FANK1: variants seen among roughly 807,000 people sequenced by gnomAD.
FANK1 encodes the protein fibronectin type 3 and ankyrin repeat domains protein 1.
In FANK1, 44 loss-of-function variants were observed where a neutral mutation model predicts 45.3. The ratio of observed to expected loss-of-function variants is 0.97; its 90% CI spans 0.76 to 1.25. The LOEUF (loss-of-function observed/expected upper bound fraction) is 1.25, where lower values mean the gene tolerates loss of function less well. FANK1 is among the 50% of genes most tolerant of loss of function. FANK1 has a pLI of 0.00. For synonymous variants in FANK1, 149 were observed against 152.5 expected, an observed-to-expected ratio of 0.98 and a Z score of 0.17; for missense variants, 391 against 424.4, an observed-to-expected ratio of 0.92 and a Z score of 0.69.
At chr10:125,935,154 C>T (rs543648116) in intron 1 of FANK1, among the ~76,000 whole-genome samples, 39 of 152,322 alleles carry the variant, frequency 2.6e-4, no homozygotes, top group African/African-American at 8.7e-4. Context: ...CATTCCTTCA[C>T]GGAAAGTCAG....
rs1953443249 is a variant in FANK1 at position 126,008,927 on chromosome 10, AGCCACAGTG to A, written c.850-125_850-117del. On this transcript the variant is annotated intron_variant, in intron 8 of 10. Coordinates refer to ENST00000368693, the MANE Select transcript of FANK1 (RefSeq NM_145235.5). ...AGCGCTGTGCCTGCAGGCCATGCAAAGCCACAGTGGTCTTTTGGGGTTGCAGGGGGGCTG... is the reference window on the plus strand; with the variant it reads ...AGCGCTGTGCCTGCAGGCCATGCAAAGTCTTTTGGGGTTGCAGGGGGGCTG... The A allele has an allele frequency of 2.5e-5, 21 of 830,954 alleles. No homozygotes were observed. In the South Asian group the frequency reaches 3.2e-4, roughly 13 times the overall value. The allele number at this position is 830,954 out of a possible 1,614,324, so 51.5% of individuals were successfully genotyped here.
chr10:125,927,993 G>C (rs761825044), intron 1 of FANK1, among the ~76,000 whole-genome samples: 8 of 152,158 alleles, frequency 5.3e-5, no homozygotes, highest in Non-Finnish European at 1.0e-4. Context: ...TTTACACTCT[G>C]CCAGCTGTGG....
At chr10:125,968,103 C>T (rs1009495801) in intron 1 of FANK1, among the ~76,000 whole-genome samples, 1 of 149,830 alleles carries the variant, frequency 6.7e-6, no homozygotes, top group Non-Finnish European at 1.5e-5. Context: ...CTTTCTGAGA[C>T]AGGGTCTTGC....
intron 1 of FANK1, among the ~76,000 whole-genome samples, chr10:125,912,285 A>G (rs925005563): frequency 6.6e-6 from 1 of 152,242 alleles, no homozygotes; most frequent in African/African-American, 2.4e-5. Flanking sequence ...TAACAGAAGC[A>G]CAAACTGTAA....
chr10:125,969,220 C>CT (rs35538865), intron 1 of FANK1, among the ~76,000 whole-genome samples: 19,335 of 151,740 alleles, frequency 0.13, 1,798 homozygotes, highest in Admixed American at 0.31. Context: ...TTTCTTTTTG[C>CT]TTTTTTTAGA....
intron 1 of FANK1, among the ~76,000 whole-genome samples, chr10:125,940,358 G>A (rs1948371982): frequency 6.6e-6 from 1 of 152,140 alleles, no homozygotes; most frequent in Non-Finnish European, 1.5e-5. Context: ...AAGGAACTCT[G>A]TGTCACAAAT....
At chr10:125,990,401 AAAG>A (rs1348580329) in intron 3 of FANK1, among the ~76,000 whole-genome samples, 1 of 152,242 alleles carries the variant, frequency 6.6e-6, no homozygotes, top group Non-Finnish European at 1.5e-5. Flanking sequence ...TTCTTTAAAA[AAAG>A]AAGATCCTTG....
intron 1 of FANK1, among the ~76,000 whole-genome samples, chr10:125,956,626 A>G (rs1478459883): frequency 6.6e-6 from 1 of 152,188 alleles, no homozygotes; most frequent in East Asian, 1.9e-4. Flanking sequence ...GTAATTTTAT[A>G]GTTAGGCAGT....
chr10:125,947,891 G>T (rs1334422482), intron 1 of FANK1, among the ~76,000 whole-genome samples: 1 of 142,140 alleles, frequency 7.0e-6, no homozygotes, highest in African/African-American at 2.6e-5. Flanking sequence ...AAATGTAAAA[G>T]AACAGAAATT....
intron 1 of FANK1, among the ~76,000 whole-genome samples, chr10:125,946,333 C>T (rs1304692165): frequency 6.8e-6 from 1 of 147,370 alleles, no homozygotes; most frequent in East Asian, 2.0e-4. Flanking sequence ...ACATTCAAAC[C>T]AAAGGCAAAG....
At chr10:125,901,894 G>T (rs571620061) in intron 1 of FANK1, among the ~76,000 whole-genome samples, 2 of 152,388 alleles carry the variant, frequency 1.3e-5, no homozygotes, top group South Asian at 4.1e-4. Flanking sequence ...GCCAAGGCGG[G>T]CGGATCACCT....
intron 1 of FANK1, among the ~76,000 whole-genome samples, chr10:125,942,168 A>G (rs753606493): frequency 6.6e-5 from 10 of 152,256 alleles, no homozygotes; most frequent in Non-Finnish European, 1.0e-4. Flanking sequence ...AACTTCCTAG[A>G]TAAAATGCTA....
At chr10:125,961,012 C>T (rs1949890408) in intron 1 of FANK1, among the ~76,000 whole-genome samples, 1 of 152,188 alleles carries the variant, frequency 6.6e-6, no homozygotes, top group Admixed American at 6.5e-5. Flanking sequence ...GTAATGAAGA[C>T]AGCATGGTAC....
intron 1 of FANK1, among the ~76,000 whole-genome samples, chr10:125,953,908 G>T (rs1949410731): frequency 1.3e-5 from 2 of 152,168 alleles, no homozygotes; most frequent in Admixed American, 1.3e-4. Context: ...TGGAAGTAAA[G>T]CTCAGAGTCG....
At chr10:125,991,981 C>T (rs6597730) in intron 3 of FANK1, among the ~76,000 whole-genome samples, 2 of 151,624 alleles carry the variant, frequency 1.3e-5, no homozygotes, top group Non-Finnish European at 2.9e-5. Flanking sequence ...ATCTGGCTCA[C>T]GTGAGCATGG....
At chr10:125,987,716 A>C (rs188693557) in intron 2 of FANK1, among the ~76,000 whole-genome samples, 17 of 152,298 alleles carry the variant, frequency 1.1e-4, no homozygotes, top group Admixed American at 9.1e-4. Flanking sequence ...CAGCTCTGTC[A>C]ACTTTTGGAG....
intron 1 of FANK1, among the ~76,000 whole-genome samples, chr10:125,917,261 C>T (rs1044104736): frequency 8.5e-5 from 13 of 152,224 alleles, no homozygotes; most frequent in Admixed American, 7.9e-4. Context: ...GAAGTCCCCT[C>T]TGCTTTAACT....
At chr10:125,939,827 A>G (rs1324802747) in intron 1 of FANK1, among the ~76,000 whole-genome samples, 1 of 152,104 alleles carries the variant, frequency 6.6e-6, no homozygotes, top group African/African-American at 2.4e-5. Context: ...TATATATTTC[A>G]TTCTAAATGC....
intron 1 of FANK1, among the ~76,000 whole-genome samples, chr10:125,954,786 G>C (rs961195574): frequency 4.6e-5 from 7 of 152,030 alleles, no homozygotes; most frequent in African/African-American, 1.4e-4. Context: ...CGGGCCCAGT[G>C]GTGCACGCCT....
Sources: gnomAD v4.1 joint callset for allele counts (sites outside exome capture counted in the v4.1 genomes callset) on GRCh38, gnomAD v4.1.1 for gene constraint, MANE v1.5 for transcripts, NCBI Gene and HGNC (gene_info 2026-07-23, HGNC 2026-07-21) for gene names.